ACCSL: variants seen among roughly 807,000 people sequenced by gnomAD.
ACCSL encodes the protein probable inactive 1-aminocyclopropane-1-carboxylate synthase-like protein 2.
A neutral mutation model predicts 61.7 loss-of-function variants in ACCSL; 55 were observed. The ratio of observed to expected loss-of-function variants is 0.89; its 90% CI spans 0.72 to 1.12. The LOEUF (loss-of-function observed/expected upper bound fraction) is 1.12. Ranked by LOEUF, ACCSL falls within the 50% of genes most tolerant of loss-of-function variation. ACCSL has a pLI of 0.00. For synonymous variants in ACCSL, 258 were observed against 264.3 expected (o/e 0.98, Z 0.23); for missense variants, 632 against 698.0 (o/e 0.91, Z 1.07).
the ACCSL span, among the ~76,000 whole-genome samples, chr11:43,984,008 T>G: frequency 6.6e-6 from 1 of 152,040 alleles, no homozygotes; most frequent in African/African-American, 2.4e-5. Flanking sequence ...TCCCAGGTAC[T>G]TGGGCGGCTG....
chr11:43,990,813 G>T, the ACCSL span, among the ~76,000 whole-genome samples: 1 of 152,072 alleles, frequency 6.6e-6, no homozygotes, highest in South Asian at 2.1e-4. Context: ...GGCTCACACC[G>T]TAATCACAGC....
At chr11:44,050,441 T>C in intron 2 of ACCSL, 111 bp from the exon 3 acceptor site, 1 of 917,536 alleles carries the variant, frequency 1.1e-6, no homozygotes, top group Non-Finnish European at 1.7e-6. Flanking sequence ...CCCATTCCCT[T>C]TCTAGGAGGT....
the ACCSL span, among the ~76,000 whole-genome samples, chr11:43,949,754 G>C: frequency 6.6e-6 from 1 of 152,182 alleles, no homozygotes; most frequent in African/African-American, 2.4e-5. Context: ...GGTGGAGGTT[G>C]CAGTGAGCCA....
chr11:43,926,389 C>T, the ACCSL span: 2 of 368,974 alleles, frequency 5.4e-6, no homozygotes, highest in Admixed American at 7.3e-5. Context: ...CGACCAGGCT[C>T]AGATGCACCC....
chr11:44,015,857 C>A, the ACCSL span, among the ~76,000 whole-genome samples: 11 of 152,190 alleles, frequency 7.2e-5, no homozygotes, highest in African/African-American at 2.7e-4. Context: ...GGCAATCACA[C>A]TAATTTCTAA....
chr11:44,036,656 C>T, the ACCSL span, among the ~76,000 whole-genome samples: 1 of 151,868 alleles, frequency 6.6e-6, no homozygotes, highest in Non-Finnish European at 1.5e-5. Context: ...GTGGTGCACA[C>T]ATGTAATCCC....
chr11:44,055,237 T>G lies in ACCSL; in HGVS notation c.1085T>G (p.Met362Arg), dbSNP rs767038385. The G allele has an allele frequency of 2.5e-6, 4 of 1,612,826 alleles. No individual in the cohort carries two copies. Among genetic ancestry groups the G allele is most frequent in the South Asian group, 1.1e-5 (1 of 90,914 alleles). The part of the protein sequence containing the change: ...NLHVIIDEIY[M>R]LSVFDESITF... ...CATGTGATCATAGATGAGATTTACA[T>G]GCTGTCTGTGTTTGATGAATCCATC... is the stretch of plus-strand genomic sequence containing the variant. Residue 362 changes from methionine (M) to arginine (R), a missense_variant, in exon 9 of 14, where the codon ATG (methionine) becomes AGG (arginine). Physicochemically the swap from Met to Arg is moderately conservative, Grantham distance 91. Coordinates refer to ENST00000378832, the MANE Select transcript of ACCSL (RefSeq NM_001031854.2).
the ACCSL span, among the ~76,000 whole-genome samples, chr11:43,988,803 CTTCTTTTTTTTTT>C: frequency 1.8e-5 from 2 of 112,410 alleles, no homozygotes; most frequent in African/African-American, 7.2e-5. Flanking sequence ...CTGATTCTCT[CTTCTTTTTTTTTT>C]TTTTTTTTTT....
At chr11:44,032,550 C>T in the ACCSL span, among the ~76,000 whole-genome samples, 2 of 152,072 alleles carry the variant, frequency 1.3e-5, no homozygotes, top group African/African-American at 4.8e-5. Flanking sequence ...CGCCCAATAA[C>T]CTGGGGCTGG....
chr11:43,925,688 T>C, the ACCSL span, among the ~76,000 whole-genome samples: 24 of 151,784 alleles, frequency 1.6e-4, no homozygotes, highest in African/African-American at 5.3e-4. Flanking sequence ...GGAATGACTG[T>C]CTGAGCCCTG....
chr11:43,991,135 T>C, the ACCSL span, among the ~76,000 whole-genome samples: 1 of 152,142 alleles, frequency 6.6e-6, no homozygotes, highest in Admixed American at 6.5e-5. Context: ...GATTCATTCA[T>C]TCACTCAACA....
chr11:43,955,924 C>T, the ACCSL span, among the ~76,000 whole-genome samples: 8 of 151,606 alleles, frequency 5.3e-5, no homozygotes, highest in East Asian at 1.6e-3. Context: ...TCAGGAATGA[C>T]TAAGGGCAGT....
chr11:43,930,248 A>G, the ACCSL span, among the ~76,000 whole-genome samples: 1 of 152,228 alleles, frequency 6.6e-6, no homozygotes, highest in East Asian at 1.9e-4. Flanking sequence ...AACACTCTGG[A>G]TCTTTGTCCT....
the ACCSL span, among the ~76,000 whole-genome samples, chr11:44,014,626 G>A: frequency 6.6e-6 from 1 of 152,186 alleles, no homozygotes; most frequent in African/African-American, 2.4e-5. Flanking sequence ...CAGTGTGGGA[G>A]GGGCCTGCAC....
At chr11:44,047,963 T>A, upstream of ACCSL, 2 of 1,532,784 alleles carry the variant, frequency 1.3e-6, no homozygotes, top group Non-Finnish European at 1.8e-6. Flanking sequence ...AGATCCTCCT[T>A]TGCTCCATTG....
At chr11:44,044,986 G>GTA (rs1415091125), upstream of ACCSL, among the ~76,000 whole-genome samples, 1 of 152,168 alleles carries the variant, frequency 6.6e-6, no homozygotes. Flanking sequence ...TATACCCCCG[G>GTA]TACCAGACAA....
At chr11:43,924,638 G>A in the ACCSL span, among the ~76,000 whole-genome samples, 4 of 152,364 alleles carry the variant, frequency 2.6e-5, no homozygotes, top group Admixed American at 2.6e-4. Context: ...AGCCAGAAGG[G>A]CCACCTCGCA....
At chr11:44,056,142 G>A (rs1412823902) in intron 10 of ACCSL, 43 bp from the exon 11 acceptor site, 15 of 1,614,162 alleles carry the variant, frequency 9.3e-6, no homozygotes, top group Non-Finnish European at 1.3e-5. Flanking sequence ...GGAATAGAAG[G>A]CAGACAAAAC....
chr11:44,008,379 G>T, the ACCSL span, among the ~76,000 whole-genome samples: 1 of 152,230 alleles, frequency 6.6e-6, no homozygotes, highest in Non-Finnish European at 1.5e-5. Context: ...TGGACTGCAG[G>T]AGTCTCTGCT....
Sources: gnomAD v4.1 joint callset for allele counts (sites outside exome capture counted in the v4.1 genomes callset) on GRCh38, gnomAD v4.1.1 for gene constraint, MANE v1.5 for transcripts, NCBI Gene and HGNC (gene_info 2026-07-23, HGNC 2026-07-21) for gene names.